Variants in TRIP4 observed in about 807,000 individuals in gnomAD.
The protein encoded by TRIP4 is thyroid hormone receptor interactor 4.
TRIP4 carries 54 observed loss-of-function variants against 81.8 expected under a neutral mutation model. That is an observed-to-expected ratio of 0.66 (90% CI 0.53 to 0.83). The LOEUF is 0.83. TRIP4 is among the 40% of genes least tolerant of loss of function. The pLI, the probability that TRIP4 is intolerant of heterozygous loss-of-function variation, is 0.00. For missense variants in TRIP4, 662 were observed against 683.6 expected, an observed-to-expected ratio of 0.97 and a Z score of 0.35; for synonymous variants, 270 against 242.8, an observed-to-expected ratio of 1.11 and a Z score of -1.04.
intron 7 of TRIP4, among the ~76,000 whole-genome samples, chr15:64,413,254 C>G (rs552061876): frequency 2.2e-4 from 34 of 152,064 alleles, no homozygotes; most frequent in African/African-American, 7.7e-4. Context: ...AGCTGGAGGG[C>G]AGTGGCGCCT....
At chr15:64,408,801 A>G (rs974866940) in intron 6 of TRIP4, among the ~76,000 whole-genome samples, 1 of 152,276 alleles carries the variant, frequency 6.6e-6, no homozygotes, top group East Asian at 1.9e-4. Flanking sequence ...CTCTGTCAGT[A>G]TGATCTTAGA....
chr15:64,450,129 C>T (rs999906127), intron 12 of TRIP4, among the ~76,000 whole-genome samples: 4 of 151,570 alleles, frequency 2.6e-5, no homozygotes, highest in African/African-American at 9.7e-5. Context: ...CGCAGTGGCT[C>T]ACGCCTGTAA....
At chr15:64,411,848 T>G (rs1290241447) in intron 7 of TRIP4, among the ~76,000 whole-genome samples, 1 of 151,854 alleles carries the variant, frequency 6.6e-6, no homozygotes, top group Non-Finnish European at 1.5e-5. Context: ...CCTGGCTAAT[T>G]TTTTTTGTAG....
At position 64,397,629 on chromosome 15, in the gene TRIP4, AAAG is replaced by A. The variant is rs761819433; in HGVS notation, c.437_439del (p.Lys146del). ...AGGCACAAGAGAACAGCAACTCCGTAAAGAAGAAGACAAAGTTTGTCAATTTAT... is the reference window on the plus strand; with the variant it reads ...AGGCACAAGAGAACAGCAACTCCGTAAAGAAGACAAAGTTTGTCAATTTAT... On this transcript the variant is annotated inframe_deletion, in exon 4 of 13. Coordinates refer to ENST00000261884, the MANE Select transcript of TRIP4 (RefSeq NM_016213.5). The A allele has an allele frequency of 1.2e-5, 20 of 1,612,858 alleles. No individual in the cohort carries two copies. The highest frequency in any genetic ancestry group is 1.6e-5 in the Non-Finnish European group (19 of 1,178,928).
chr15:64,427,977 GAAGT>G (rs1566980697), intron 11 of TRIP4, among the ~76,000 whole-genome samples: 1 of 149,546 alleles, frequency 6.7e-6, no homozygotes. Context: ...CCCCAGTCTA[GAAGT>G]AATATTATAA....
At chr15:64,446,043 C>T (rs987082710) in intron 12 of TRIP4, among the ~76,000 whole-genome samples, 8 of 151,956 alleles carry the variant, frequency 5.3e-5, no homozygotes, top group Admixed American at 2.0e-4. Flanking sequence ...GAGGCTGAGA[C>T]GGGTGGATCA....
intron 11 of TRIP4, among the ~76,000 whole-genome samples, chr15:64,436,235 C>T (rs920723866): frequency 3.3e-5 from 5 of 151,214 alleles, no homozygotes; most frequent in African/African-American, 1.2e-4. Context: ...GCGGAGGTTG[C>T]AATGAGCTGA....
intron 8 of TRIP4, among the ~76,000 whole-genome samples, chr15:64,416,461 G>T (rs532314171): frequency 1.3e-5 from 2 of 152,156 alleles, no homozygotes; most frequent in African/African-American, 4.8e-5. Flanking sequence ...GGTGGCTCAC[G>T]TCTGTAATCC....
At position 64,425,496 on chromosome 15, in the gene TRIP4, C is replaced by T. The variant is rs761133946; in HGVS notation, c.1484-44C>T. 6 of 1,530,724 alleles carry T rather than the reference C, an allele frequency of 3.9e-6. No homozygotes were observed. In the Admixed American group the frequency reaches 9.1e-5, roughly 23 times the overall value. The allele number at this position is 1,530,724 out of a possible 1,614,324, so 94.8% of individuals were successfully genotyped here. A position where few individuals can be genotyped will look rare whatever the true frequency, so the allele number is the denominator to read the frequency against. On this transcript the variant is annotated intron_variant, in intron 10 of 12. Transcript: ENST00000261884. ...AACAGATTCCTGAGTTCCAAGATCACAAAGAAGGAAATTTATTCAATATTT... is the reference window on the plus strand; with the variant it reads ...AACAGATTCCTGAGTTCCAAGATCATAAAGAAGGAAATTTATTCAATATTT...
chr15:64,448,999 C>G (rs751656393), intron 12 of TRIP4, among the ~76,000 whole-genome samples: 7 of 152,030 alleles, frequency 4.6e-5, no homozygotes, highest in Non-Finnish European at 8.8e-5. Context: ...CACTTGAAGC[C>G]AGGAGTTTGA....
intron 8 of TRIP4, among the ~76,000 whole-genome samples, chr15:64,414,683 A>G (rs1267275437): frequency 6.6e-6 from 1 of 151,626 alleles, no homozygotes. Flanking sequence ...CGCCCAGCGA[A>G]TTTTTTGTAT....
intron 1 of TRIP4, among the ~76,000 whole-genome samples, chr15:64,392,304 C>CA (rs899945705): frequency 6.6e-6 from 1 of 151,802 alleles, no homozygotes; most frequent in Non-Finnish European, 1.5e-5. Flanking sequence ...TCTGAAAAAA[C>CA]AAAAAAACCC....
intron 4 of TRIP4, among the ~76,000 whole-genome samples, chr15:64,400,533 T>G (rs1469178426): frequency 1.3e-5 from 2 of 151,612 alleles, no homozygotes; most frequent in Non-Finnish European, 2.9e-5. Flanking sequence ...TGATATAAGT[T>G]TTTTGTTTGG....
intron 9 of TRIP4, among the ~76,000 whole-genome samples, chr15:64,423,495 G>T (rs1183199154): frequency 6.7e-6 from 1 of 150,004 alleles, no homozygotes; most frequent in Non-Finnish European, 1.5e-5. Flanking sequence ...AAAGCAAATG[G>T]GTGTGGTTCT....
intron 7 of TRIP4, among the ~76,000 whole-genome samples, chr15:64,412,244 A>G (rs1349580810): frequency 6.6e-6 from 1 of 152,028 alleles, no homozygotes; most frequent in Admixed American, 6.6e-5. Flanking sequence ...TACTGTGTCA[A>G]ATTTATTCCT....
At chr15:64,454,939 A>G (rs1358650474) in intron 12 of TRIP4, 58 bp from the exon 13 acceptor site, 10 of 1,543,752 alleles carry the variant, frequency 6.5e-6, no homozygotes, top group Non-Finnish European at 8.9e-6. Context: ...GGAGGCTGCA[A>G]AAGATTTGCA....
At chr15:64,452,319 T>C (rs1463718616) in intron 12 of TRIP4, among the ~76,000 whole-genome samples, 2 of 152,344 alleles carry the variant, frequency 1.3e-5, no homozygotes, top group East Asian at 3.9e-4. Flanking sequence ...TCTAAACCTT[T>C]TTGAGCTTCA....
At chr15:64,430,704 A>G (rs1892250248) in intron 11 of TRIP4, among the ~76,000 whole-genome samples, 2 of 152,280 alleles carry the variant, frequency 1.3e-5, no homozygotes, top group South Asian at 4.1e-4. Context: ...CTCCAAGGTC[A>G]TTGATTATTC....
intron 12 of TRIP4, among the ~76,000 whole-genome samples, chr15:64,445,711 C>G (rs1445538856): frequency 6.6e-6 from 1 of 150,522 alleles, no homozygotes; most frequent in Non-Finnish European, 1.5e-5. Flanking sequence ...TTCTGTGTGT[C>G]CCTAGTGTTG....
Sources: gnomAD v4.1 joint callset for allele counts (sites outside exome capture counted in the v4.1 genomes callset) on GRCh38, gnomAD v4.1.1 for gene constraint, MANE v1.5 for transcripts, NCBI Gene and HGNC (gene_info 2026-07-23, HGNC 2026-07-21) for gene names.